The following ADGRL3 variants were observed in gnomAD, a reference collection of about 807,000 sequenced individuals.
ADGRL3 encodes the protein adhesion G protein-coupled receptor L3.
In ADGRL3, 62 loss-of-function variants were observed where a neutral mutation model predicts 153.5. The observed-to-expected ratio is 0.40, with a 90% CI of 0.33 to 0.50. ADGRL3 has a LOEUF of 0.50. Ranked by LOEUF, ADGRL3 falls within the 20% of genes least tolerant of loss-of-function variation. ADGRL3 has a pLI of 0.47. For missense variants in ADGRL3, 1,641 were observed against 1,859.4 expected, an observed-to-expected ratio of 0.88 and a Z score of 2.16; for synonymous variants, 710 against 672.5, an observed-to-expected ratio of 1.06 and a Z score of -0.86.
At chr4:61,414,968 T>C (rs1239915534) in intron 2 of ADGRL3, among the ~76,000 whole-genome samples, 1 of 152,004 alleles carries the variant, frequency 6.6e-6, no homozygotes, top group African/African-American at 2.4e-5. Context: ...GCTTTCTGCT[T>C]GTTCTAAAAA....
Position 61,327,915 on chromosome 4 carries a change from A to C in ADGRL3, c.-239-55209A>C, listed in dbSNP as rs190637092. 1.7e-3 allele frequency among the ~76,000 whole-genome samples: 263 copies of C among 152,250 alleles called. 2 individuals are homozygous for C. Among genetic ancestry groups the C allele is most frequent in the African/African-American group, 6.0e-3 (250 of 41,574 alleles). Reference sequence around the variant, plus strand: ...TGGATTATGAAATATTGAGGCATGAATGGAAAATGAAGAAATGGAAATTGC... The same window carrying C: ...TGGATTATGAAATATTGAGGCATGACTGGAAAATGAAGAAATGGAAATTGC... On this transcript the variant is annotated intron_variant, in intron 1 of 26. Transcript: ENST00000683033.
chr4:61,514,104 C>T lies in ADGRL3; in HGVS notation c.56-3211C>T, dbSNP rs115262089. 2.7e-3 allele frequency among the ~76,000 whole-genome samples: 407 copies of T among 152,262 alleles called. 5 individuals are homozygous for T. The highest frequency in any genetic ancestry group is 9.1e-3 in the African/African-American group (378 of 41,536). ...TCTTCAAATATCTGAGAAGAACCTT[C>T]GAGGAGTAATTTGAGTTGGTTTTGT... On this transcript the variant is annotated intron_variant, in intron 3 of 26. Coordinates refer to ENST00000683033, the MANE Select transcript of ADGRL3 (RefSeq NM_001387552.1).
intron 17 of ADGRL3, among the ~76,000 whole-genome samples, chr4:61,964,783 A>G (rs756559098): frequency 2.0e-5 from 3 of 151,984 alleles, no homozygotes; most frequent in Non-Finnish European, 2.9e-5. Flanking sequence ...AATGGTTCTA[A>G]TCATCCAATT....
At chr4:61,305,352 C>A (rs557475167) in intron 1 of ADGRL3, among the ~76,000 whole-genome samples, 7 of 152,202 alleles carry the variant, frequency 4.6e-5, no homozygotes, top group African/African-American at 1.7e-4. Context: ...AAATTTGTAG[C>A]ATCTTGTACC....
rs766855695 is a variant in ADGRL3 at position 61,950,809 on chromosome 4, A to G, written c.2805+2533A>G. Among the ~76,000 whole-genome samples the G allele has an allele frequency of 2.0e-5, 3 of 152,308 alleles. No homozygotes were observed. The East Asian group carries it at 5.8e-4, about 29-fold the overall frequency. On this transcript the variant is annotated intron_variant, in intron 17 of 26. Transcript: ENST00000683033. ...TGGAGTCAAAGGAGGTTGTTTCAGT[A>G]GCTATTGGATAAAACTGGTTTCAGA... is the stretch of plus-strand genomic sequence containing the variant.
chr4:61,542,667 A>G (rs779945766), intron 4 of ADGRL3, among the ~76,000 whole-genome samples: 3 of 152,072 alleles, frequency 2.0e-5, no homozygotes, highest in Non-Finnish European at 4.4e-5. Flanking sequence ...ATCATAGTCC[A>G]TTAAGGGGAT....
At chr4:61,613,524 G>T (rs1255058457) in intron 5 of ADGRL3, among the ~76,000 whole-genome samples, 2 of 152,072 alleles carry the variant, frequency 1.3e-5, no homozygotes, top group Non-Finnish European at 2.9e-5. Flanking sequence ...CAGGTGAATT[G>T]GTTGAGGTCA....
chr4:61,217,636 G>A (rs555819270), intron 1 of ADGRL3, among the ~76,000 whole-genome samples: 1 of 152,146 alleles, frequency 6.6e-6, no homozygotes, highest in Non-Finnish European at 1.5e-5. Flanking sequence ...CGGTGGTCAG[G>A]CACTGAAGAT....
chr4:62,016,765 G>A (rs1409406790), intron 21 of ADGRL3, among the ~76,000 whole-genome samples: 1 of 151,782 alleles, frequency 6.6e-6, no homozygotes, highest in Non-Finnish European at 1.5e-5. Context: ...TTAAATATAT[G>A]GATTATGTTG....
At chr4:61,271,339 C>T (rs2093167898) in intron 1 of ADGRL3, among the ~76,000 whole-genome samples, 1 of 151,936 alleles carries the variant, frequency 6.6e-6, no homozygotes, top group Non-Finnish European at 1.5e-5. Context: ...GCATTAAGAA[C>T]TATAACTCCC....
intron 8 of ADGRL3, among the ~76,000 whole-genome samples, chr4:61,734,448 A>T (rs1484507260): frequency 6.6e-6 from 1 of 152,210 alleles, no homozygotes; most frequent in African/African-American, 2.4e-5. Flanking sequence ...TCATAGCAGA[A>T]GGTGAGAGAG....
At chr4:61,228,888 C>A (rs779406592) in intron 1 of ADGRL3, among the ~76,000 whole-genome samples, 1 of 152,046 alleles carries the variant, frequency 6.6e-6, no homozygotes, top group Non-Finnish European at 1.5e-5. Context: ...GATGGGGTTT[C>A]ACCATGTTGA....
chr4:61,498,414 G>A (rs1468331439), intron 3 of ADGRL3, among the ~76,000 whole-genome samples: 1 of 151,988 alleles, frequency 6.6e-6, no homozygotes, highest in African/African-American at 2.4e-5. Flanking sequence ...AGCTGGGCAG[G>A]TGGTGGATGC....
chr4:61,339,027 G>A (rs1401014301), intron 1 of ADGRL3, among the ~76,000 whole-genome samples: 2 of 152,112 alleles, frequency 1.3e-5, no homozygotes, highest in African/African-American at 4.8e-5. Flanking sequence ...TAGTGATAGT[G>A]TGGGGAAGAT....
At chr4:61,711,798 C>G (rs911459653) in intron 6 of ADGRL3, among the ~76,000 whole-genome samples, 4 of 151,914 alleles carry the variant, frequency 2.6e-5, no homozygotes, top group Non-Finnish European at 4.4e-5. Context: ...GACTTCACTA[C>G]TTGTAATAAG....
intron 15 of ADGRL3, among the ~76,000 whole-genome samples, chr4:61,939,737 G>A (rs1233525954): frequency 1.3e-5 from 2 of 151,836 alleles, no homozygotes; most frequent in Admixed American, 6.6e-5. Context: ...CAAAGTGCTG[G>A]GATTACAGGC....
intron 8 of ADGRL3, among the ~76,000 whole-genome samples, chr4:61,747,268 C>G (rs887779308): frequency 6.0e-5 from 9 of 149,878 alleles, no homozygotes; most frequent in Middle Eastern, 3.4e-3. Flanking sequence ...CAGCTGAATT[C>G]TACCAGAGGT....
chr4:61,620,788 T>C (rs2092451171), intron 5 of ADGRL3, among the ~76,000 whole-genome samples: 1 of 151,398 alleles, frequency 6.6e-6, no homozygotes, highest in Non-Finnish European at 1.5e-5. Flanking sequence ...CTACAGGCAC[T>C]CGCCACCATG....
intron 13 of ADGRL3, among the ~76,000 whole-genome samples, chr4:61,914,687 G>T (rs897867604): frequency 6.6e-6 from 1 of 152,070 alleles, no homozygotes; most frequent in Non-Finnish European, 1.5e-5. Context: ...CCAATGATCT[G>T]AATATTCACA....
Sources: gnomAD v4.1 joint callset for allele counts (sites outside exome capture counted in the v4.1 genomes callset) on GRCh38, gnomAD v4.1.1 for gene constraint, MANE v1.5 for transcripts, NCBI Gene and HGNC (gene_info 2026-07-23, HGNC 2026-07-21) for gene names.